Variants in PDE10A observed in about 807,000 individuals in gnomAD.
The protein encoded by PDE10A is phosphodiesterase 10A.
In PDE10A, 39 loss-of-function variants were observed where a neutral mutation model predicts 97.7. The ratio of observed to expected loss-of-function variants is 0.40; its 90% CI spans 0.31 to 0.52. The LOEUF is 0.52. Among genes scored for constraint, PDE10A ranks in the 20% least tolerant of loss-of-function variants. PDE10A has a pLI of 0.56. For missense variants in PDE10A, 731 were observed against 1,047.8 expected (o/e 0.70, Z 4.17); for synonymous variants, 371 against 376.8 (o/e 0.98, Z 0.18).
At position 165,441,138 on chromosome 6, in the gene PDE10A, G is replaced by A. The variant is rs866036879; in HGVS notation, c.1195-5761C>T. 4.6e-5 allele frequency among the ~76,000 whole-genome samples: 7 copies of A among 152,298 alleles called. No individual in the cohort carries two copies. The South Asian group carries it at 1.5e-3, about 32-fold the overall frequency. ...CAGAAATTGCTTCTTCTGCCCAAGA[G>A]ACATCCTTTACTTTCCCCTCTCATC... On this transcript the variant is annotated intron_variant, in intron 5 of 21. Transcript: ENST00000539869.
chr6:165,807,857 G>A (rs1202432669), intron 1 of PDE10A, among the ~76,000 whole-genome samples: 1 of 152,146 alleles, frequency 6.6e-6, no homozygotes, highest in Non-Finnish European at 1.5e-5. Context: ...TACGCCTTGT[G>A]CCTGTTTCCA....
chr6:165,482,681 C>T (rs1353519133), intron 2 of PDE10A, among the ~76,000 whole-genome samples: 2 of 152,142 alleles, frequency 1.3e-5, no homozygotes, highest in Admixed American at 6.5e-5. Flanking sequence ...CAATATTCTA[C>T]ACAATACAAC....
intron 1 of PDE10A, among the ~76,000 whole-genome samples, chr6:165,881,406 T>C (rs1381648738): frequency 6.9e-6 from 1 of 145,290 alleles, no homozygotes; most frequent in African/African-American, 2.6e-5. Flanking sequence ...TTTTTTTTTT[T>C]TTTTTTTTGA....
At chr6:165,885,809 C>T (rs1211506279) in intron 1 of PDE10A, among the ~76,000 whole-genome samples, 3 of 152,132 alleles carry the variant, frequency 2.0e-5, no homozygotes, top group East Asian at 1.9e-4. Context: ...GCTGCACATC[C>T]GGCATATGTG....
chr6:165,421,474 T>C (rs575619532), intron 10 of PDE10A, among the ~76,000 whole-genome samples: 1 of 152,198 alleles, frequency 6.6e-6, no homozygotes, highest in East Asian at 1.9e-4. Flanking sequence ...CATTCAGCAA[T>C]CATTAATGAT....
intron 2 of PDE10A, among the ~76,000 whole-genome samples, chr6:165,516,222 C>T (rs1781799424): frequency 6.6e-6 from 1 of 152,238 alleles, no homozygotes; most frequent in African/African-American, 2.4e-5. Flanking sequence ...CAATTTTTCC[C>T]TCTCTATTGA....
intron 18 of PDE10A, among the ~76,000 whole-genome samples, chr6:165,368,181 A>T (rs1783949237): frequency 6.6e-6 from 1 of 152,180 alleles, no homozygotes; most frequent in East Asian, 1.9e-4. Flanking sequence ...TTTTTACTAC[A>T]GATGGGGTTT....
In PDE10A at chr6:165,624,354, CTCTT is replaced by C. The variant is rs535286519; in HGVS notation, c.865+37589_865+37592del. Among the ~76,000 whole-genome samples, 1,035 of 152,348 alleles carry C rather than the reference CTCTT, an allele frequency of 6.8e-3. 12 individuals are homozygous for C. The highest frequency in any genetic ancestry group is 0.023 in the African/African-American group (968 of 41,562). On this transcript the variant is annotated intron_variant, in intron 1 of 21. Coordinates refer to ENST00000539869, the MANE Select transcript of PDE10A (RefSeq NM_001385079.1). ...TTCAAAACACTTTTATCTCGGTACA[CTCTT>C]TATTTTCCAGGTTGACTTGAACATT...
intron 2 of PDE10A, among the ~76,000 whole-genome samples, chr6:165,507,713 C>T (rs73037878): frequency 0.065 from 9,955 of 152,030 alleles, 503 homozygotes; most frequent in East Asian, 0.24. Context: ...AACTACACAC[C>T]TCTTGGGAAT....
At chr6:165,610,542 AAAAAAAAG>A (rs1787444238) in intron 1 of PDE10A, among the ~76,000 whole-genome samples, 1 of 151,860 alleles carries the variant, frequency 6.6e-6, no homozygotes, top group African/African-American at 2.4e-5. Flanking sequence ...AAAAAAAAAA[AAAAAAAAG>A]AAAGAAATGG....
chr6:165,791,712 C>T (rs1050226495), intron 1 of PDE10A, among the ~76,000 whole-genome samples: 1 of 152,212 alleles, frequency 6.6e-6, no homozygotes, highest in African/African-American at 2.4e-5. Flanking sequence ...TGCAATGGCT[C>T]GTGCTGCCTT....
At chr6:165,936,002 G>C (rs1783313243) in intron 1 of PDE10A, among the ~76,000 whole-genome samples, 2 of 152,206 alleles carry the variant, frequency 1.3e-5, no homozygotes, top group African/African-American at 4.8e-5. Context: ...TAAGACAATT[G>C]TCATTTGGAT....
At chr6:165,619,367 G>C (rs796580993) in intron 1 of PDE10A, among the ~76,000 whole-genome samples, 29 of 110,146 alleles carry the variant, frequency 2.6e-4, no homozygotes, top group African/African-American at 9.0e-4. Context: ...GTCTAGTGTA[G>C]TGTGGTGTAG....
intron 1 of PDE10A, among the ~76,000 whole-genome samples, chr6:165,900,059 G>A (rs531788208): frequency 2.6e-5 from 4 of 152,344 alleles, no homozygotes; most frequent in African/African-American, 9.6e-5. Flanking sequence ...CCACAGGTTC[G>A]CTGGTGCCCT....
intron 1 of PDE10A, among the ~76,000 whole-genome samples, chr6:165,610,546 A>G (rs1001050512): frequency 3.0e-4 from 45 of 151,932 alleles, no homozygotes; most frequent in East Asian, 9.7e-4. Flanking sequence ...AAAAAAAAAA[A>G]AAAGAAAGAA....
chr6:165,344,858 T>C (rs1782204234), intron 18 of PDE10A, among the ~76,000 whole-genome samples: 1 of 152,190 alleles, frequency 6.6e-6, no homozygotes, highest in Admixed American at 6.5e-5. Context: ...ATTGGTTAGA[T>C]TTATGCATAC....
intron 1 of PDE10A, among the ~76,000 whole-genome samples, chr6:165,670,013 T>C (rs1447100419): frequency 4.6e-5 from 7 of 152,172 alleles, no homozygotes; most frequent in African/African-American, 1.7e-4. Context: ...TGTGCACTAG[T>C]GGTGAACTGG....
At chr6:165,502,843 G>A (rs1583420637) in intron 2 of PDE10A, among the ~76,000 whole-genome samples, 1 of 152,174 alleles carries the variant, frequency 6.6e-6, no homozygotes, top group South Asian at 2.1e-4. Context: ...AGAGGAGGGT[G>A]GAGGGTGTAG....
At chr6:165,898,549 G>A (rs1215813637) in intron 1 of PDE10A, among the ~76,000 whole-genome samples, 1 of 152,068 alleles carries the variant, frequency 6.6e-6, no homozygotes, top group Non-Finnish European at 1.5e-5. Context: ...GTGGAGATCA[G>A]CATGTGGTCA....
Sources: gnomAD v4.1 joint callset for allele counts (sites outside exome capture counted in the v4.1 genomes callset) on GRCh38, gnomAD v4.1.1 for gene constraint, MANE v1.5 for transcripts, NCBI Gene and HGNC (gene_info 2026-07-23, HGNC 2026-07-21) for gene names.